The following ATXN3 variants were observed in gnomAD, a reference collection of about 807,000 sequenced individuals.
The protein encoded by ATXN3 is ataxin 3, also known as ataxin-3.
In ATXN3, 28 loss-of-function variants were observed where a neutral mutation model predicts 58.2. The observed-to-expected ratio is 0.48, with a 90% CI of 0.36 to 0.66. The LOEUF is 0.66. Among genes scored for constraint, ATXN3 ranks in the 30% least tolerant of loss-of-function variants. The probability of loss-of-function intolerance (pLI) is 0.00; values close to 1 mark genes in which losing one functional copy is unlikely to be tolerated. For missense variants in ATXN3, 321 were observed against 422.1 expected (o/e 0.76, Z 2.10); for synonymous variants, 113 against 138.5 (o/e 0.82, Z 1.29).
At chr14:92,097,747 G>A (rs902254348) in intron 1 of ATXN3, among the ~76,000 whole-genome samples, 5 of 151,932 alleles carry the variant, frequency 3.3e-5, no homozygotes, top group African/African-American at 1.2e-4. Flanking sequence ...GGATGGTCTC[G>A]ATCTCCTGAC....
chr14:92,106,556 T>C lies in ATXN3; in HGVS notation c.-4A>G. 1 of 1,612,896 alleles carries C rather than the reference T, an allele frequency of 6.2e-7. No individual in the cohort carries two copies. The highest frequency in any genetic ancestry group is 8.5e-7 in the Non-Finnish European group (1 of 1,179,432). ...TCTCGTGGAAGATGGACTCCATGTTTATTTGTCTGGAGCCAACGGCCCCCA... is the reference window on the plus strand; with the variant it reads ...TCTCGTGGAAGATGGACTCCATGTTCATTTGTCTGGAGCCAACGGCCCCCA... On this transcript the variant is annotated 5_prime_UTR_variant, in exon 1 of 11. In the 5' UTR this introduces an upstream ATG that the reference lacks. Transcript: ENST00000644486.
At chr14:92,089,889 A>G (rs2063404391) in intron 5 of ATXN3, among the ~76,000 whole-genome samples, 1 of 152,182 alleles carries the variant, frequency 6.6e-6, no homozygotes, top group Admixed American at 6.5e-5. Context: ...TGAGAAAGTC[A>G]GAAGTTCCAG....
At chr14:92,098,504 T>C (rs2065943996) in intron 1 of ATXN3, among the ~76,000 whole-genome samples, 1 of 152,092 alleles carries the variant, frequency 6.6e-6, no homozygotes, top group South Asian at 2.1e-4. Context: ...TGAGAATCGC[T>C]TGAACCCAGG....
At chr14:92,095,539 G>T (rs10131594) in intron 3 of ATXN3, among the ~76,000 whole-genome samples, 2 of 151,684 alleles carry the variant, frequency 1.3e-5, no homozygotes, top group African/African-American at 4.8e-5. Context: ...CACCGCGCCC[G>T]GCCAGAATTA....
Position 92,059,863 on chromosome 14 carries a change from C to T in ATXN3, c.*4457G>A, listed in dbSNP as rs1043025315. ...AAAGAAAGAAAGAAAAAGAAAATAG[C>T]GGCCCAACGCCTCTTCGTTTCCGGA... On this transcript the variant is annotated 3_prime_UTR_variant, in exon 11 of 11. Coordinates refer to ENST00000644486, the MANE Select transcript of ATXN3 (RefSeq NM_004993.6). 5.3e-5 allele frequency: 8 copies of T among 151,460 alleles called. No individual in the cohort carries two copies. Among genetic ancestry groups the T allele is most frequent in the Admixed American group, 2.6e-4 (4 of 15,148 alleles). The allele number at this position is 151,460 out of a possible 1,614,324, so 9.4% of individuals were successfully genotyped here.
intron 1 of ATXN3, among the ~76,000 whole-genome samples, chr14:92,101,378 CTT>C (rs1435803202): frequency 6.6e-6 from 1 of 152,264 alleles, no homozygotes; most frequent in East Asian, 1.9e-4. Context: ...ATAAACATAA[CTT>C]AAGTCATAGG....
chr14:92,051,697 TTTCTTTTC>T (rs2057448302), upstream of ATXN3, among the ~76,000 whole-genome samples: 1 of 149,288 alleles, frequency 6.7e-6, no homozygotes, highest in Non-Finnish European at 1.5e-5. Context: ...CTGTTTCTTT[TTTCTTTTC>T]TTCTTTTCCT....
chr14:92,098,398 A>G (rs1328957963), intron 1 of ATXN3, among the ~76,000 whole-genome samples: 1 of 152,096 alleles, frequency 6.6e-6, no homozygotes, highest in Non-Finnish European at 1.5e-5. Flanking sequence ...GACCAGCCTG[A>G]CCAATACGGT....
chr14:92,072,694 T>TAAAAA (rs33967699), intron 9 of ATXN3, among the ~76,000 whole-genome samples: 2 of 90,990 alleles, frequency 2.2e-5, no homozygotes, highest in Non-Finnish European at 2.1e-5. Flanking sequence ...AGCTATAGGT[T>TAAAAA]AAAAAAAAAA....
At chr14:92,088,091 C>T (rs7154758) in intron 6 of ATXN3, among the ~76,000 whole-genome samples, 42,525 of 149,442 alleles carry the variant, frequency 0.28, 6,335 homozygotes, top group East Asian at 0.44. Flanking sequence ...TTTTTTGAGA[C>T]GGAGTCTCGC....
Position 92,059,068 on chromosome 14 carries a change from T to C in ATXN3, c.*5252A>G, listed in dbSNP as rs1347664724. On this transcript the variant is annotated 3_prime_UTR_variant, in exon 11 of 11. Coordinates refer to ENST00000644486, the MANE Select transcript of ATXN3 (RefSeq NM_004993.6). The stretch of plus-strand genomic sequence containing the variant: ...TATTTTACTAATGTTTCTCATTGCT[T>C]TGTCTATGAATCCACAGGCTTAAAA... The C allele has an allele frequency of 6.6e-6, 1 of 152,188 alleles. No homozygotes were observed. The highest frequency in any genetic ancestry group is 1.5e-5 in the Non-Finnish European group (1 of 68,034). The allele number at this position is 152,188 out of a possible 1,614,324, so 9.4% of individuals were successfully genotyped here.
chr14:92,099,141 C>G (rs780326779), intron 1 of ATXN3, among the ~76,000 whole-genome samples: 2 of 152,174 alleles, frequency 1.3e-5, no homozygotes, highest in Non-Finnish European at 2.9e-5. Flanking sequence ...AACCTTGGCC[C>G]TCCAAGTTCT....
In ATXN3 at chr14:92,082,363, G is replaced by T; in HGVS notation, c.712C>A (p.Gln238Lys). ...DLQRALALSR[Q>K]EIDMEDEEAD... ...TCCTCATCTTCCATGTCAATTTCTTGGCGACTTAGTGCCAGAGCCCTCTGC... is the reference window on the plus strand; with the variant it reads ...TCCTCATCTTCCATGTCAATTTCTTTGCGACTTAGTGCCAGAGCCCTCTGC... Residue 238 changes from glutamine to lysine, a missense_variant, in exon 8 of 11, where the codon CAA becomes AAA. Coordinates refer to ENST00000644486, the MANE Select transcript of ATXN3 (RefSeq NM_004993.6). 1 of 1,614,092 alleles carries T rather than the reference G, an allele frequency of 6.2e-7. No homozygotes were observed. Among genetic ancestry groups the T allele is most frequent in the East Asian group, 2.2e-5 (1 of 44,876 alleles).
chr14:92,079,034 G>A (rs2060950538), intron 9 of ATXN3, among the ~76,000 whole-genome samples: 1 of 151,886 alleles, frequency 6.6e-6, no homozygotes, highest in Non-Finnish European at 1.5e-5. Flanking sequence ...AAAAATACAA[G>A]AATTAGCCAG....
At chr14:92,088,917 T>C (rs1385164595) in intron 5 of ATXN3, 100 bp from the exon 6 acceptor site, 7 of 679,108 alleles carry the variant, frequency 1.0e-5, no homozygotes, top group East Asian at 1.0e-4. Context: ...CTTAGTAAGA[T>C]TGTTTAAACT....
At chr14:92,096,261 G>T in intron 2 of ATXN3, 124 bp from the exon 3 acceptor site, 5 of 1,582,182 alleles carry the variant, frequency 3.2e-6, no homozygotes, top group Non-Finnish European at 3.4e-6. Flanking sequence ...TAACAGCACA[G>T]TTATAATTCA....
At chr14:92,104,667 T>C (rs983490890) in intron 1 of ATXN3, among the ~76,000 whole-genome samples, 93 of 152,258 alleles carry the variant, frequency 6.1e-4, no homozygotes, top group Non-Finnish European at 1.0e-3. Flanking sequence ...GGCTCACGCC[T>C]GTAATCCCAG....
At chr14:92,071,592 G>C (rs1269854696) in intron 9 of ATXN3, 1 of 273,716 alleles carries the variant, frequency 3.7e-6, no homozygotes, top group African/African-American at 2.2e-5. Context: ...GCGAGACTCT[G>C]TCTCAAAAAA....
At chr14:92,085,947 G>C (rs955281393) in intron 6 of ATXN3, among the ~76,000 whole-genome samples, 7 of 151,996 alleles carry the variant, frequency 4.6e-5, no homozygotes, top group African/African-American at 1.7e-4. Flanking sequence ...TTCTAAGAAG[G>C]GATATCATCA....
Sources: gnomAD v4.1 joint callset for allele counts (sites outside exome capture counted in the v4.1 genomes callset) on GRCh38, gnomAD v4.1.1 for gene constraint, MANE v1.5 for transcripts, NCBI Gene and HGNC (gene_info 2026-07-23, HGNC 2026-07-21) for gene names.